The following UTRN variants were observed in gnomAD, a reference collection of about 807,000 sequenced individuals.
The protein encoded by UTRN is dystrophin-related protein 1.
A neutral mutation model predicts 463.9 loss-of-function variants in UTRN; 283 were observed. That is an observed-to-expected ratio of 0.61 (90% CI 0.55 to 0.67). The LOEUF is 0.67. Among genes scored for constraint, UTRN ranks in the 30% least tolerant of loss-of-function variants. The pLI is 0.00. For synonymous variants in UTRN, 1,442 were observed against 1,431.5 expected (o/e 1.01, Z -0.17); for missense variants, 3,922 against 4,084.3 (o/e 0.96, Z 1.08).
chr6:144,787,313 G>A (rs372900836), intron 61 of UTRN, among the ~76,000 whole-genome samples: 6 of 152,096 alleles, frequency 3.9e-5, no homozygotes, highest in African/African-American at 1.4e-4. Flanking sequence ...GCTGTCTGTA[G>A]GGTTAATGTG....
chr6:144,743,395 T>A (rs1562850084), intron 54 of UTRN, among the ~76,000 whole-genome samples: 3 of 152,232 alleles, frequency 2.0e-5, no homozygotes, highest in Admixed American at 1.3e-4. Context: ...TTTTAAAATT[T>A]AAAAAATAGC....
Position 144,674,789 on chromosome 6 carries a change from GT to G in UTRN, c.7480-3615del, listed in dbSNP as rs745789428. Among the ~76,000 whole-genome samples the G allele has an allele frequency of 4.6e-5, 7 of 152,232 alleles. No individual in the cohort carries two copies. In the South Asian group the frequency reaches 1.5e-3, roughly 32 times the overall value. ...GCCCAGGCAGGTCTCAAACTCCTGA[GT>G]TCAAGTGACCCTCCTGCCTTGGCCT... On this transcript the variant is annotated intron_variant, in intron 51 of 74. Coordinates refer to ENST00000367545, the MANE Select transcript of UTRN (RefSeq NM_007124.3).
chr6:144,678,545 G>A lies in UTRN; in HGVS notation c.7619G>A (p.Trp2540Ter). 6.2e-7 allele frequency: 1 copy of A among 1,611,514 alleles called. No individual in the cohort carries two copies. Among genetic ancestry groups the A allele is most frequent in the Non-Finnish European group, 8.5e-7 (1 of 1,178,582 alleles). Residue 2540 changes from tryptophan (W) to a stop codon, truncating the protein, a stop_gained, in exon 52 of 75, where the codon TGG (tryptophan) becomes TAG (stop). Coordinates refer to ENST00000367545, the MANE Select transcript of UTRN (RefSeq NM_007124.3). LOFTEE classifies it high-confidence loss of function. ...QHRLDDMNQR[W>*]NDLKAKSASI... Reference sequence around the variant, plus strand: ...CGACTGGATGATATGAACCAAAGATGGAATGACTTAAAAGCAAAATCTGCT... The same window carrying A: ...CGACTGGATGATATGAACCAAAGATAGAATGACTTAAAAGCAAAATCTGCT...
chr6:144,785,380 C>T (rs1454765533), intron 61 of UTRN, among the ~76,000 whole-genome samples: 1 of 152,144 alleles, frequency 6.6e-6, no homozygotes, highest in East Asian at 1.9e-4. Context: ...ATCTTTAATT[C>T]TGCCCTTTTC....
chr6:144,415,565 T>A (rs1784292664), intron 3 of UTRN, among the ~76,000 whole-genome samples: 1 of 152,204 alleles, frequency 6.6e-6, no homozygotes, highest in Admixed American at 6.5e-5. Context: ...GGTAGAAATA[T>A]TAATAATTGT....
chr6:144,459,230 C>A lies in UTRN; in HGVS notation c.2583C>A (p.Ser861Arg). The A allele has an allele frequency of 1.2e-6, 2 of 1,613,984 alleles. No individual in the cohort carries two copies. Among genetic ancestry groups the A allele is most frequent in the Non-Finnish European group, 1.7e-6 (2 of 1,179,960 alleles). The change falls in exon 21 of 75, where the codon AGC (serine) becomes AGA (arginine). Residue 861 changes from serine (S) to arginine (R), a missense_variant. Physicochemically the swap from Ser to Arg is moderately radical, Grantham distance 110. Transcript: ENST00000367545. ...LHPKIEMARA[S>R]CSALMSQPSA... ...CCAAAATTGAAATGGCTCGTGCAAG[C>A]TGCTCGGCCCTGATGTCTCAGCCTT...
At chr6:144,544,899 G>A (rs1282316200) in intron 46 of UTRN, among the ~76,000 whole-genome samples, 1 of 151,780 alleles carries the variant, frequency 6.6e-6, no homozygotes, top group Non-Finnish European at 1.5e-5. Context: ...ATAGCTACTA[G>A]ATCATCCTTA....
intron 25 of UTRN, among the ~76,000 whole-genome samples, chr6:144,476,334 G>C (rs1348194031): frequency 6.6e-6 from 1 of 151,904 alleles, no homozygotes. Flanking sequence ...GTTACTGCAG[G>C]CTTGGAGAGA....
intron 12 of UTRN, among the ~76,000 whole-genome samples, chr6:144,439,568 C>T (rs1786923912): frequency 1.3e-5 from 2 of 152,156 alleles, no homozygotes; most frequent in Non-Finnish European, 2.9e-5. Context: ...TCTCAGCTCA[C>T]TGCACCCTCT....
At chr6:144,764,746 A>G (rs1196273447) in intron 58 of UTRN, among the ~76,000 whole-genome samples, 2 of 152,358 alleles carry the variant, frequency 1.3e-5, no homozygotes, top group African/African-American at 4.8e-5. Context: ...AAAAGATTTC[A>G]TATAACCATA....
chr6:144,495,893 G>A (rs1373043291), intron 33 of UTRN, among the ~76,000 whole-genome samples: 4 of 152,152 alleles, frequency 2.6e-5, no homozygotes, highest in Non-Finnish European at 5.9e-5. Flanking sequence ...GGAAAAATGG[G>A]AAATAATAAT....
chr6:144,634,429 A>T (rs1776879852), intron 51 of UTRN, among the ~76,000 whole-genome samples: 1 of 152,198 alleles, frequency 6.6e-6, no homozygotes, highest in Admixed American at 6.5e-5. Context: ...CCACAGATGC[A>T]TGGCTGGGAT....
At chr6:144,703,509 GC>G (rs1462794524) in intron 53 of UTRN, among the ~76,000 whole-genome samples, 2 of 152,094 alleles carry the variant, frequency 1.3e-5, no homozygotes, top group East Asian at 3.8e-4. Flanking sequence ...TAAGAAATGA[GC>G]CCTGAGGAGC....
chr6:144,766,114 C>A (rs1052659849), intron 58 of UTRN, among the ~76,000 whole-genome samples: 2 of 151,998 alleles, frequency 1.3e-5, no homozygotes, highest in Non-Finnish European at 2.9e-5. Flanking sequence ...CACACAGACA[C>A]ACACACACCC....
chr6:144,796,980 G>GGAATTGAA (rs1444893713), intron 63 of UTRN, among the ~76,000 whole-genome samples: 1 of 152,140 alleles, frequency 6.6e-6, no homozygotes, highest in Non-Finnish European at 1.5e-5. Context: ...CTTAGTATTG[G>GGAATTGAA]GAATTGAAGA....
chr6:144,490,026 G>T (rs757163628), intron 30 of UTRN, 45 bp from the exon 31 acceptor site: 3 of 1,572,818 alleles, frequency 1.9e-6, no homozygotes, highest in Non-Finnish European at 2.6e-6. Flanking sequence ...TTATACTTAA[G>T]TAAAAAAAAA....
intron 51 of UTRN, among the ~76,000 whole-genome samples, chr6:144,654,568 A>G (rs1404687482): frequency 1.3e-5 from 2 of 152,224 alleles, no homozygotes; most frequent in Admixed American, 6.5e-5. Context: ...TACATAGCTG[A>G]AGAAAACTGG....
At position 144,436,144 on chromosome 6, in the gene UTRN, T is replaced by C. The variant is rs1225545375; in HGVS notation, c.1059+6T>C. 1 of 1,611,148 alleles carries C rather than the reference T, an allele frequency of 6.2e-7. No individual in the cohort carries two copies. The highest frequency in any genetic ancestry group is 1.3e-5 in the African/African-American group (1 of 74,924). On this transcript the variant is annotated splice_donor_region_variant and intron_variant, in intron 10 of 74. Coordinates refer to ENST00000367545, the MANE Select transcript of UTRN (RefSeq NM_007124.3). Reference sequence around the variant, plus strand: ...ACCAGTTTGCAACCCATGAAGTAAATATCTGTAGTTTCTTAGCAGGGTGTG... The same window carrying C: ...ACCAGTTTGCAACCCATGAAGTAAACATCTGTAGTTTCTTAGCAGGGTGTG...
At chr6:144,336,783 A>G (rs1399849200) in intron 2 of UTRN, among the ~76,000 whole-genome samples, 1 of 151,828 alleles carries the variant, frequency 6.6e-6, no homozygotes, top group East Asian at 1.9e-4. Flanking sequence ...GTTTTTATCA[A>G]TTTCGTTCAC....
Sources: gnomAD v4.1 joint callset for allele counts (sites outside exome capture counted in the v4.1 genomes callset) on GRCh38, gnomAD v4.1.1 for gene constraint, MANE v1.5 for transcripts, NCBI Gene and HGNC (gene_info 2026-07-23, HGNC 2026-07-21) for gene names.